Variants in SEPTIN3 observed in about 807,000 individuals in gnomAD.
The protein encoded by SEPTIN3 is septin 3, also known as neuronal-specific septin-3.
In SEPTIN3, 15 loss-of-function variants were observed where a neutral mutation model predicts 45.1. The observed-to-expected ratio is 0.33, with a 90% CI of 0.22 to 0.51. SEPTIN3 has a LOEUF of 0.51. SEPTIN3 is among the 20% of genes least tolerant of loss of function. The probability of loss-of-function intolerance (pLI) is 0.97; values close to 1 mark genes in which losing one functional copy is unlikely to be tolerated. For synonymous variants in SEPTIN3, 148 were observed against 164.8 expected, an observed-to-expected ratio of 0.90 and a Z score of 0.78; for missense variants, 289 against 457.2, an observed-to-expected ratio of 0.63 and a Z score of 3.35.
chr22:41,986,381 C>T (rs1292611560), intron 4 of SEPTIN3, among the ~76,000 whole-genome samples: 2 of 152,098 alleles, frequency 1.3e-5, no homozygotes, highest in Non-Finnish European at 2.9e-5. Context: ...TGGGCAGGTA[C>T]GGTGGCTCAT....
At chr22:41,982,097 A>G (rs2078131038) in intron 3 of SEPTIN3, 1 of 483,736 alleles carries the variant, frequency 2.1e-6, no homozygotes, top group East Asian at 3.4e-5. Flanking sequence ...CACCACTCTG[A>G]TCCTGCTTTT....
intron 2 of SEPTIN3, among the ~76,000 whole-genome samples, chr22:41,978,981 C>T (rs118061137): frequency 0.011 from 1,720 of 151,728 alleles, 24 homozygotes; most frequent in Non-Finnish European, 0.012. Flanking sequence ...GCTTGTGGCA[C>T]AGTGACCTGC....
At position 41,997,167 on chromosome 22, in the gene SEPTIN3, G is replaced by C; in HGVS notation, c.*200G>C. On this transcript the variant is annotated 3_prime_UTR_variant, in exon 12 of 12. Coordinates refer to ENST00000644076, the MANE Select transcript of SEPTIN3 (RefSeq NM_001363845.2). ...CCACTCCTCTCCTCCCAGTGGAGTG[G>C]GGTTCTGCCAGTACAGCCCTACTGC... 2.0e-6 allele frequency: 2 copies of C among 1,024,248 alleles called. No homozygotes were observed. Among genetic ancestry groups the C allele is most frequent in the South Asian group, 1.7e-5 (1 of 60,524 alleles). The allele number at this position is 1,024,248 out of a possible 1,614,324, so 63.4% of individuals were successfully genotyped here.
At chr22:41,977,133 C>T (rs1223186583) in intron 2 of SEPTIN3, 3 of 1,548,044 alleles carry the variant, frequency 1.9e-6, no homozygotes, top group African/African-American at 1.4e-5. Context: ...CCCCGGCCAG[C>T]GCGGCTGGAG....
intron 11 of SEPTIN3, 146 bp from the exon 12 acceptor site, chr22:41,996,756 A>C (rs2078447730): frequency 6.6e-7 from 1 of 1,519,354 alleles, no homozygotes; most frequent in Admixed American, 2.1e-5. Flanking sequence ...ATCTATGGGC[A>C]TGGGAGGTGG....
chr22:41,971,584 G>T lies in SEPTIN3; in HGVS notation c.92G>T (p.Gly31Val). The change falls in exon 2 of 12, where the codon GGG (glycine) becomes GTG (valine). Residue 31 changes from glycine to valine, a missense_variant. Coordinates refer to ENST00000644076, the MANE Select transcript of SEPTIN3 (RefSeq NM_001363845.2). ...GTSFSHSHVLGRPIRPSRLPG... is the reference protein window; with the variant it reads ...GTSFSHSHVLVRPIRPSRLPG... ...TCCTTCTCCCATAGCCATGTGCTGG[G>T]GCGCCCTATCCGCCCCTCGAGACTC... 2.5e-6 allele frequency: 1 copy of T among 398,988 alleles called. No homozygotes were observed. The highest frequency in any genetic ancestry group is 4.4e-6 in the Non-Finnish European group (1 of 226,158). The allele number at this position is 398,988 out of a possible 1,614,324, so 24.7% of individuals were successfully genotyped here. A position where few individuals can be genotyped will look rare whatever the true frequency, so the allele number is the denominator to read the frequency against.
chr22:41,974,332 A>G (rs1231802175), intron 2 of SEPTIN3, among the ~76,000 whole-genome samples: 1 of 151,944 alleles, frequency 6.6e-6, no homozygotes, highest in Non-Finnish European at 1.5e-5. Context: ...GCACTCTGGG[A>G]GGCTAAGGCG....
At chr22:41,990,611 T>C (rs1836351165) in intron 7 of SEPTIN3, among the ~76,000 whole-genome samples, 1 of 150,126 alleles carries the variant, frequency 6.7e-6, no homozygotes, top group African/African-American at 2.5e-5. Flanking sequence ...CCGGGTGTGG[T>C]GGCGGGTGCC....
At position 41,997,183 on chromosome 22, in the gene SEPTIN3, G is replaced by C; in HGVS notation, c.*216G>C. 1.2e-6 allele frequency: 1 copy of C among 836,412 alleles called. No homozygotes were observed. The highest frequency in any genetic ancestry group is 2.8e-5 in the East Asian group (1 of 35,634). 51.8% of individuals were successfully genotyped at this position (836,412 alleles called of 1,614,324 possible). On this transcript the variant is annotated 3_prime_UTR_variant, in exon 12 of 12. Transcript: ENST00000644076. ...AGTGGAGTGGGGTTCTGCCAGTACAGCCCTACTGCATCATCTGCGTCAGCC... is the reference window on the plus strand; with the variant it reads ...AGTGGAGTGGGGTTCTGCCAGTACACCCCTACTGCATCATCTGCGTCAGCC...
At position 41,971,777 on chromosome 22, in the gene SEPTIN3, C is replaced by T. The variant is rs2077962206; in HGVS notation, c.285C>T (p.Pro95=). ...TCGCTCTGGGGGCTTCCTTGAGCCC[C>T]CTGCCCACCAGCAGCCTTGTACCCA... ...TGIALGASLS[P]LPTSSLVPRK... Residue 95 remains proline, a synonymous_variant, in exon 2 of 12, where the codon CCC becomes CCT. Coordinates refer to ENST00000644076, the MANE Select transcript of SEPTIN3 (RefSeq NM_001363845.2). 1 of 399,140 alleles carries T rather than the reference C, an allele frequency of 2.5e-6. No individual in the cohort carries two copies. Among genetic ancestry groups the T allele is most frequent in the African/African-American group, 2.1e-5 (1 of 48,626 alleles). 24.7% of individuals were successfully genotyped at this position (399,140 alleles called of 1,614,324 possible).
chr22:41,990,541 C>T (rs549678634), intron 7 of SEPTIN3, among the ~76,000 whole-genome samples: 103 of 139,812 alleles, frequency 7.4e-4, no homozygotes, highest in African/African-American at 1.7e-3. Flanking sequence ...GTCAGGAGAT[C>T]AAGACCATCC....
At chr22:41,979,003 G>A (rs972652072) in intron 2 of SEPTIN3, among the ~76,000 whole-genome samples, 2 of 152,130 alleles carry the variant, frequency 1.3e-5, no homozygotes, top group African/African-American at 4.8e-5. Context: ...CACATTTACT[G>A]TACTTGGGGC....
chr22:41,971,751 A>G lies in SEPTIN3; in HGVS notation c.259A>G (p.Ile87Val). 1 of 399,204 alleles carries G rather than the reference A, an allele frequency of 2.5e-6. No individual in the cohort carries two copies. 24.7% of individuals were successfully genotyped at this position (399,204 alleles called of 1,614,324 possible). A position where few individuals can be genotyped will look rare whatever the true frequency, so the allele number is the denominator to read the frequency against. The part of the protein sequence containing the change: ...TRSVPPQETG[I>V]ALGASLSPLP... ...GAGTGTGCCCCCACAGGAGACGGGC[A>G]TCGCTCTGGGGGCTTCCTTGAGCCC... The change falls in exon 2 of 12, where the codon ATC becomes GTC. Residue 87 changes from isoleucine (I) to valine (V), a missense_variant. By Grantham distance (29) the Ile-to-Val change is conservative. This residue lies in a region of SEPTIN3 where 200 missense variants were observed against 315.1 expected (regional missense o/e 0.63). Coordinates refer to ENST00000644076, the MANE Select transcript of SEPTIN3 (RefSeq NM_001363845.2).
intron 5 of SEPTIN3, 39 bp from the exon 6 acceptor site, chr22:41,987,583 G>T (rs764787451): frequency 1.6e-5 from 25 of 1,592,350 alleles, no homozygotes; most frequent in Non-Finnish European, 2.1e-5. Flanking sequence ...CCTAGGTCTT[G>T]TTCTTCTGAT....
At chr22:41,985,046 G>A (rs1487467647) in intron 3 of SEPTIN3, among the ~76,000 whole-genome samples, 2 of 151,394 alleles carry the variant, frequency 1.3e-5, no homozygotes, top group Non-Finnish European at 2.9e-5. Context: ...TAGAAGAGAC[G>A]GTGTTTCACC....
chr22:41,987,178 C>G, intron 4 of SEPTIN3, 28 bp from the exon 5 acceptor site: 3 of 1,600,374 alleles, frequency 1.9e-6, no homozygotes, highest in Non-Finnish European at 2.6e-6. Flanking sequence ...GGACTGACCT[C>G]TCTGGTACAT....
Position 41,997,879 on chromosome 22 carries a change from A to G in SEPTIN3, c.*912A>G. On this transcript the variant is annotated 3_prime_UTR_variant, in exon 12 of 12. Transcript: ENST00000644076. The stretch of plus-strand genomic sequence containing the variant: ...GAGGGCAAAGCCCCCCATCAGATGC[A>G]TGAATGTTTGCGAATGTTGACTGCC... 1 of 152,632 alleles carries G rather than the reference A, an allele frequency of 6.6e-6. No homozygotes were observed. Among genetic ancestry groups the G allele is most frequent in the African/African-American group, 2.4e-5 (1 of 41,428 alleles). The allele number at this position is 152,632 out of a possible 1,614,324, so 9.5% of individuals were successfully genotyped here. A position where few individuals can be genotyped will look rare whatever the true frequency, so the allele number is the denominator to read the frequency against.
intron 4 of SEPTIN3, 24 bp from the exon 5 acceptor site, chr22:41,987,182 G>A: frequency 6.2e-7 from 1 of 1,603,172 alleles, no homozygotes; most frequent in East Asian, 2.2e-5. Context: ...TGACCTCTCT[G>A]GTACATTTTC....
chr22:41,995,021 G>C, intron 11 of SEPTIN3: 1 of 1,245,592 alleles, frequency 8.0e-7, no homozygotes, highest in Non-Finnish European at 1.0e-6. Flanking sequence ...GCTCCTCCAT[G>C]CCTGTCCATT....
Sources: allele counts gnomAD v4.1 joint callset (sites outside exome capture counted in the v4.1 genomes callset), GRCh38; gene constraint gnomAD v4.1.1; regional missense constraint gnomAD v4.1.1; transcripts MANE v1.5; gene names NCBI Gene and HGNC (gene_info 2026-07-23, HGNC 2026-07-21).